Variants in SLC35D4 observed in about 807,000 individuals in gnomAD.
SLC35D4 encodes solute carrier family 35 member D4, also known as UDP-N-acetylglucosamine transporter SLC35D4.
At chr18:23,304,055 TA>T in the SLC35D4 span, among the ~76,000 whole-genome samples, 18 of 142,826 alleles carry the variant, frequency 1.3e-4, no homozygotes, top group Non-Finnish European at 2.0e-4. Flanking sequence ...GTGTTTAAAT[TA>T]AAAAAAAAAA....
the SLC35D4 span, among the ~76,000 whole-genome samples, chr18:23,426,414 A>G: frequency 6.6e-6 from 1 of 152,210 alleles, no homozygotes; most frequent in Non-Finnish European, 1.5e-5. Context: ...ATTCCCATTC[A>G]CAATTGCTTC....
the SLC35D4 span, among the ~76,000 whole-genome samples, chr18:23,256,447 C>T: frequency 6.6e-6 from 1 of 152,172 alleles, no homozygotes; most frequent in Non-Finnish European, 1.5e-5. Flanking sequence ...GAACTTACCA[C>T]GTGGTTTTTA....
the SLC35D4 span, among the ~76,000 whole-genome samples, chr18:23,369,247 G>T: frequency 6.6e-6 from 1 of 152,228 alleles, no homozygotes; most frequent in Non-Finnish European, 1.5e-5. Flanking sequence ...GTGCTCCAGG[G>T]AGTGGAAGCC....
the SLC35D4 span, among the ~76,000 whole-genome samples, chr18:23,342,744 T>C: frequency 2.6e-5 from 4 of 152,346 alleles, no homozygotes; most frequent in African/African-American, 9.6e-5. Context: ...GTCTGTACCT[T>C]TTTAAAAAAT....
the SLC35D4 span, among the ~76,000 whole-genome samples, chr18:23,254,799 A>G: frequency 6.6e-6 from 1 of 152,144 alleles, no homozygotes; most frequent in Non-Finnish European, 1.5e-5. Context: ...GACCTCATCT[A>G]GACCTAATCA....
chr18:23,307,040 G>T, the SLC35D4 span, among the ~76,000 whole-genome samples: 1 of 152,170 alleles, frequency 6.6e-6, no homozygotes, highest in Admixed American at 6.6e-5. Context: ...CACTGTTGTG[G>T]CTAGGCCCCC....
the SLC35D4 span, among the ~76,000 whole-genome samples, chr18:23,406,904 A>T: frequency 6.6e-6 from 1 of 152,176 alleles, no homozygotes; most frequent in Admixed American, 6.6e-5. Context: ...TCCCAGGCTC[A>T]AGTAATTCTC....
chr18:23,246,043 A>G, the SLC35D4 span, among the ~76,000 whole-genome samples: 12 of 152,172 alleles, frequency 7.9e-5, no homozygotes, highest in Non-Finnish European at 1.5e-4. Context: ...CAAGGTGGGC[A>G]GATCACGAGG....
the SLC35D4 span, among the ~76,000 whole-genome samples, chr18:23,332,334 C>A: frequency 6.6e-6 from 1 of 152,182 alleles, no homozygotes; most frequent in East Asian, 1.9e-4. Context: ...CCATCTAATT[C>A]CACAACACTG....
chr18:23,275,878 G>A, the SLC35D4 span, among the ~76,000 whole-genome samples: 1 of 152,182 alleles, frequency 6.6e-6, no homozygotes, highest in Admixed American at 6.5e-5. Flanking sequence ...ACTGATGTGA[G>A]GTTTCTGGAA....
At chr18:23,428,962 T>A in the SLC35D4 span, among the ~76,000 whole-genome samples, 3 of 152,252 alleles carry the variant, frequency 2.0e-5, no homozygotes, top group African/African-American at 7.2e-5. Flanking sequence ...CTTTCTGTGT[T>A]AATTCACTTA....
At chr18:23,256,265 T>G in the SLC35D4 span, among the ~76,000 whole-genome samples, 2 of 152,236 alleles carry the variant, frequency 1.3e-5, no homozygotes, top group African/African-American at 2.4e-5. Context: ...TTCTCCTTCC[T>G]TTCCAGCTCC....
chr18:23,431,153 C>CAAAAAAAAAAAAAA, the SLC35D4 span, among the ~76,000 whole-genome samples: 1 of 66,248 alleles, frequency 1.5e-5, no homozygotes, highest in Non-Finnish European at 2.7e-5. Context: ...GAGTATATCT[C>CAAAAAAAAAAAAAA]AAAAAAAAAA....
At chr18:23,249,315 A>G in the SLC35D4 span, among the ~76,000 whole-genome samples, 1 of 152,206 alleles carries the variant, frequency 6.6e-6, no homozygotes, top group African/African-American at 2.4e-5. Context: ...CAGATAATAG[A>G]GTAGAATGGA....
At chr18:23,279,447 G>A in the SLC35D4 span, among the ~76,000 whole-genome samples, 2 of 152,192 alleles carry the variant, frequency 1.3e-5, no homozygotes, top group African/African-American at 4.8e-5. Context: ...AGTGCTATGA[G>A]TCCCCTAAAA....
the SLC35D4 span, among the ~76,000 whole-genome samples, chr18:23,397,688 G>T: frequency 6.6e-6 from 1 of 152,082 alleles, no homozygotes; most frequent in East Asian, 1.9e-4. Flanking sequence ...ACTACACCCT[G>T]GGCTCACTCT....
chr18:23,394,218 T>A, the SLC35D4 span, among the ~76,000 whole-genome samples: 344 of 152,296 alleles, frequency 2.3e-3, no homozygotes, highest in Non-Finnish European at 4.6e-3. Flanking sequence ...TACCAACACT[T>A]GTTATTCTCT....
At chr18:23,437,668 C>A in the SLC35D4 span, 3 of 1,144,536 alleles carry the variant, frequency 2.6e-6, no homozygotes. Context: ...CCATCTCCAT[C>A]GCCACCAGGA....
At chr18:23,325,827 G>T in the SLC35D4 span, among the ~76,000 whole-genome samples, 1 of 152,046 alleles carries the variant, frequency 6.6e-6, no homozygotes, top group Admixed American at 6.5e-5. Context: ...TGCTGGCAAG[G>T]GCCCCCCCAC....
Sources: gnomAD v4.1 joint callset for allele counts (sites outside exome capture counted in the v4.1 genomes callset) on GRCh38, gnomAD v4.1.1 for gene constraint, MANE v1.5 for transcripts, NCBI Gene and HGNC (gene_info 2026-07-23, HGNC 2026-07-21) for gene names.